Variants in CYSLTR1 observed in about 807,000 individuals in gnomAD.
CYSLTR1 encodes the protein cysteinyl leukotriene receptor 1.
Under a neutral mutation model 2.1 loss-of-function variants are expected in CYSLTR1, and 1 was observed. That is an observed-to-expected ratio of 0.48 (90% CI 0.17 to 2.28). The LOEUF (loss-of-function observed/expected upper bound fraction) is 2.28, where lower values mean the gene tolerates loss of function less well. CYSLTR1 is among the 30% of genes most tolerant of loss of function. The pLI, the probability that CYSLTR1 is intolerant of heterozygous loss-of-function variation, is 0.26. For missense variants in CYSLTR1, 299 were observed against 250.1 expected (o/e 1.20, Z -1.32); for synonymous variants, 110 against 89.6 (o/e 1.23, Z -1.28).
At chrX:78,311,217 G>A (rs898433955) in intron 1 of CYSLTR1, among the ~76,000 whole-genome samples, 4 of 111,194 alleles carry the variant, frequency 3.6e-5, no homozygotes, top group Non-Finnish European at 7.5e-5. Context: ...AAGATTGGTG[G>A]AGGTTGGAAT....
At chrX:78,304,863 A>G (rs5913677) in intron 1 of CYSLTR1, among the ~76,000 whole-genome samples, 1 of 111,714 alleles carries the variant, frequency 9.0e-6, no homozygotes, top group East Asian at 2.8e-4. Flanking sequence ...CATATAGCTT[A>G]GAAGGTATAT....
chrX:78,317,465 A>T lies in CYSLTR1; in HGVS notation c.-115+9840T>A, dbSNP rs142882527. Reference sequence around the variant, plus strand: ...AAGTGGAATTATCATTTGATCCAGCAATACTACTATTGGGTTTCTACCCAA... The same window carrying T: ...AAGTGGAATTATCATTTGATCCAGCTATACTACTATTGGGTTTCTACCCAA... On this transcript the variant is annotated intron_variant, in intron 1 of 2. Coordinates refer to ENST00000373304, the MANE Select transcript of CYSLTR1 (RefSeq NM_006639.4). Among the ~76,000 whole-genome samples, 960 of 112,677 alleles carry T rather than the reference A, an allele frequency of 8.5e-3. 7 individuals are homozygous for T. Among genetic ancestry groups the T allele is most frequent in the Non-Finnish European group, 0.011 (589 of 53,326 alleles).
intron 1 of CYSLTR1, among the ~76,000 whole-genome samples, chrX:78,294,393 C>A (rs969972255): frequency 8.9e-6 from 1 of 112,557 alleles, no homozygotes; most frequent in African/African-American, 3.2e-5. Context: ...TGTCTGTCGG[C>A]CCCTACTGGG....
At chrX:78,313,852 G>T (rs1923305171) in intron 1 of CYSLTR1, among the ~76,000 whole-genome samples, 1 of 112,058 alleles carries the variant, frequency 8.9e-6, no homozygotes, top group Non-Finnish European at 1.9e-5. Flanking sequence ...ATATAATTTA[G>T]GGGGTAGAGA....
chrX:78,277,480 C>A (rs1031693619), intron 2 of CYSLTR1, among the ~76,000 whole-genome samples: 1 of 111,902 alleles, frequency 8.9e-6, no homozygotes, highest in African/African-American at 3.3e-5. Flanking sequence ...CTACTGCCAA[C>A]CCCCCACACC....
Position 78,273,541 on chromosome X carries a change from T to A in CYSLTR1, c.206A>T (p.Asp69Val). The change falls in exon 3 of 3, where the codon GAT becomes GTT. Residue 69 changes from aspartate (D) to valine (V), a missense_variant. Coordinates refer to ENST00000373304, the MANE Select transcript of CYSLTR1 (RefSeq NM_006639.4). Reference protein sequence around the residue: ...QVYMINLAVADLLCVCTLPLR... With the variant: ...QVYMINLAVAVLLCVCTLPLR... ...AGGCAGTGTGCACACACAAAGTAGA[T>A]CTGCTACTGCTAAATTAATCATGTA... 6 of 1,211,693 alleles carry A rather than the reference T, an allele frequency of 5.0e-6. No homozygotes were observed. Among genetic ancestry groups the A allele is most frequent in the Non-Finnish European group, 6.7e-6 (6 of 895,443 alleles).
chrX:78,300,390 T>C (rs1204384877), intron 1 of CYSLTR1, among the ~76,000 whole-genome samples: 2 of 112,781 alleles, frequency 1.8e-5, no homozygotes, highest in Non-Finnish European at 3.7e-5. Flanking sequence ...AAAAATTAGG[T>C]ATTTATTTCA....
intron 1 of CYSLTR1, among the ~76,000 whole-genome samples, chrX:78,290,024 A>G (rs1922250412): frequency 8.9e-6 from 1 of 111,937 alleles, no homozygotes; most frequent in Admixed American, 9.4e-5. Flanking sequence ...TGTTTCAGTC[A>G]TGAAGGCTTT....
intron 1 of CYSLTR1, among the ~76,000 whole-genome samples, chrX:78,313,250 G>GAGCTAAAT (rs1351779701): frequency 9.0e-6 from 1 of 111,646 alleles, no homozygotes; most frequent in Non-Finnish European, 1.9e-5. Context: ...TTACAAGTGG[G>GAGCTAAAT]AGCTAAATAT....
chrX:78,311,831 G>T (rs761132506), intron 1 of CYSLTR1, among the ~76,000 whole-genome samples: 2 of 111,793 alleles, frequency 1.8e-5, no homozygotes, highest in Non-Finnish European at 3.8e-5. Context: ...AGAAATCAGA[G>T]ATGATACAAA....
At chrX:78,273,841 T>C in intron 2 of CYSLTR1, 68 bp from the exon 3 acceptor site, 2 of 925,900 alleles carry the variant, frequency 2.2e-6, no homozygotes, top group African/African-American at 4.0e-5. Context: ...TAATGTTTTA[T>C]TTCATAGTGT....
Position 78,273,480 on chromosome X carries a change from C to T in CYSLTR1, c.267G>A (p.Trp89Ter). Residue 89 changes from tryptophan (W) to a stop codon, truncating the protein, a stop_gained, in exon 3 of 3, where the codon TGG (tryptophan) becomes TGA (stop). Transcript: ENST00000373304. LOFTEE classifies it low-confidence loss of function (END_TRUNC). The part of the protein sequence containing the change: ...RVVYYVHKGI[W>*]LFGDFLCRLS... ...GGCGGCACAAGAAGTCACCAAAGAG[C>T]CAAATGCCTTTGTGAACATAATAGA... 8.3e-7 allele frequency: 1 copy of T among 1,211,525 alleles called. No individual in the cohort carries two copies. The highest frequency in any genetic ancestry group is 2.3e-4 in the Middle Eastern group (1 of 4,351).
intron 1 of CYSLTR1, among the ~76,000 whole-genome samples, chrX:78,313,260 T>C (rs1408836670): frequency 9.0e-6 from 1 of 111,508 alleles, no homozygotes; most frequent in Non-Finnish European, 1.9e-5. Context: ...GAGCTAAATA[T>C]TGAATACATA....
At chrX:78,286,709 C>T (rs778814362) in intron 1 of CYSLTR1, among the ~76,000 whole-genome samples, 2 of 99,478 alleles carry the variant, frequency 2.0e-5, no homozygotes, top group African/African-American at 3.7e-5. Context: ...TCTCATTGTT[C>T]AATTCCCACC....
chrX:78,287,762 A>G (rs1922134225), intron 1 of CYSLTR1, among the ~76,000 whole-genome samples: 1 of 111,495 alleles, frequency 9.0e-6, no homozygotes, highest in Non-Finnish European at 1.9e-5. Context: ...CCCTGGGAAT[A>G]GGAACAGGGT....
At chrX:78,285,689 G>C (rs2149186484) in intron 1 of CYSLTR1, among the ~76,000 whole-genome samples, 1 of 112,255 alleles carries the variant, frequency 8.9e-6, no homozygotes, top group East Asian at 2.8e-4. Flanking sequence ...ATACACAAGC[G>C]AGTAAATGTC....
Position 78,273,312 on chromosome X carries a change from T to G in CYSLTR1, c.435A>C (p.Val145=). The G allele has an allele frequency of 8.3e-7, 1 of 1,211,051 alleles. No homozygotes were observed. The highest frequency in any genetic ancestry group is 1.8e-5 in the South Asian group (1 of 56,922). The stretch of plus-strand genomic sequence containing the variant: ...TCAAAATCACAAAAATCCAAATACC[T>G]ACACACACAAACCTGGCTTTTTTCT... The part of the protein sequence containing the change: ...VTQKKARFVC[V]GIWIFVILTS... The change falls in exon 3 of 3, where the codon GTA becomes GTC. Residue 145 remains valine (V), a synonymous_variant. Coordinates refer to ENST00000373304, the MANE Select transcript of CYSLTR1 (RefSeq NM_006639.4).
intron 1 of CYSLTR1, among the ~76,000 whole-genome samples, chrX:78,290,939 A>G (rs1325357694): frequency 1.8e-5 from 2 of 111,581 alleles, no homozygotes; most frequent in African/African-American, 6.5e-5. Flanking sequence ...CTAGTTGAAT[A>G]CCCTTTATTT....
intron 1 of CYSLTR1, among the ~76,000 whole-genome samples, chrX:78,300,439 G>A (rs893452068): frequency 8.9e-6 from 1 of 112,652 alleles, no homozygotes; most frequent in African/African-American, 3.2e-5. Context: ...TGCCCTTCTT[G>A]GGAAGGCTTT....
Sources: allele counts gnomAD v4.1 joint callset (sites outside exome capture counted in the v4.1 genomes callset), GRCh38; gene constraint gnomAD v4.1.1; transcripts MANE v1.5; gene names NCBI Gene and HGNC (gene_info 2026-07-23, HGNC 2026-07-21).